PMFBP1: variants seen among roughly 807,000 people sequenced by gnomAD.
PMFBP1 encodes polyamine-modulated factor 1-binding protein 1.
PMFBP1 carries 131 observed loss-of-function variants against 137.8 expected under a neutral mutation model. The observed-to-expected ratio is 0.95, with a 90% CI of 0.82 to 1.10. The LOEUF (loss-of-function observed/expected upper bound fraction) is 1.10. Among genes scored for constraint, PMFBP1 ranks in the 50% least tolerant of loss-of-function variants. The pLI is 0.00. For synonymous variants in PMFBP1, 490 were observed against 450.4 expected (o/e 1.09, Z -1.11); for missense variants, 1,199 against 1,175.4 (o/e 1.02, Z -0.29).
At chr16:72,193,696 G>A in the PMFBP1 span, among the ~76,000 whole-genome samples, 2 of 149,936 alleles carry the variant, frequency 1.3e-5, no homozygotes, top group African/African-American at 4.9e-5. Context: ...TGCTCTCTGG[G>A]GATGCAAACT....
chr16:72,124,523 T>C (rs1448351211), intron 17 of PMFBP1, among the ~76,000 whole-genome samples: 1 of 152,236 alleles, frequency 6.6e-6, no homozygotes, highest in African/African-American at 2.4e-5. Context: ...GTAGCTGGTG[T>C]ACCTGACAGT....
In PMFBP1 at chr16:72,135,624, C is replaced by A. The variant is rs142527864; in HGVS notation, c.1203+824G>T. Among the ~76,000 whole-genome samples, 187 of 149,596 alleles carry A rather than the reference C, an allele frequency of 1.3e-3. 1 individual carries two copies. The highest frequency in any genetic ancestry group is 2.1e-3 in the Non-Finnish European group (142 of 66,780). On this transcript the variant is annotated intron_variant, in intron 9 of 20. Coordinates refer to ENST00000237353, the MANE Select transcript of PMFBP1 (RefSeq NM_031293.3). ...CACCTTTCTGTTCTTGGTTCCATTT[C>A]TAGGCTTTTCCAAGAATTTGATTTA...
the PMFBP1 span, among the ~76,000 whole-genome samples, chr16:72,232,187 C>T: frequency 6.6e-6 from 1 of 152,148 alleles, no homozygotes; most frequent in Non-Finnish European, 1.5e-5. Flanking sequence ...AATGTCCCTC[C>T]ATGCCTTTCA....
chr16:72,190,089 C>A, the PMFBP1 span, among the ~76,000 whole-genome samples: 6 of 152,272 alleles, frequency 3.9e-5, no homozygotes, highest in Non-Finnish European at 7.3e-5. Context: ...TCGGGGAAGT[C>A]ACAAATCTTG....
intron 5 of PMFBP1, among the ~76,000 whole-genome samples, chr16:72,148,076 G>A (rs1432951972): frequency 6.6e-6 from 1 of 152,118 alleles, no homozygotes; most frequent in Non-Finnish European, 1.5e-5. Context: ...GCACACATAT[G>A]TTTACTGCCA....
At chr16:72,123,108 C>G in intron 18 of PMFBP1, 120 bp from the exon 19 acceptor site, 3 of 829,762 alleles carry the variant, frequency 3.6e-6, no homozygotes, top group Non-Finnish European at 5.8e-6. Flanking sequence ...CCACGTCCCC[C>G]ACGCATCACC....
chr16:72,239,901 G>GAAAAAAAAAAAAAAAAAAA, the PMFBP1 span, among the ~76,000 whole-genome samples: 5 of 87,776 alleles, frequency 5.7e-5, no homozygotes, highest in Admixed American at 1.2e-4. Flanking sequence ...AAAAAAAAAA[G>GAAAAAAAAAAAAAAAAAAA]AAAAAAAAAA....
chr16:72,155,220 CT>C (rs1305493659), intron 3 of PMFBP1, among the ~76,000 whole-genome samples: 1 of 152,098 alleles, frequency 6.6e-6, no homozygotes, highest in Non-Finnish European at 1.5e-5. Context: ...TCTATATTTC[CT>C]ATATTTTCCA....
intron 3 of PMFBP1, among the ~76,000 whole-genome samples, chr16:72,158,038 T>C (rs993378679): frequency 2.0e-5 from 3 of 152,180 alleles, no homozygotes; most frequent in Non-Finnish European, 4.4e-5. Flanking sequence ...AAAAAATCTC[T>C]ACAGAGAGTG....
chr16:72,244,833 T>G, the PMFBP1 span, among the ~76,000 whole-genome samples: 1 of 152,174 alleles, frequency 6.6e-6, no homozygotes, highest in Non-Finnish European at 1.5e-5. Flanking sequence ...CCCTTCTTGA[T>G]TCACAGAAGA....
At chr16:72,172,308 A>G (rs2043229849), upstream of PMFBP1, 1 of 151,842 alleles carries the variant, frequency 6.6e-6, no homozygotes, top group Admixed American at 6.6e-5. Flanking sequence ...ATGGTGTAGT[A>G]ACAAACAACC....
At chr16:72,180,897 A>T (rs1364645988), upstream of PMFBP1, among the ~76,000 whole-genome samples, 1 of 152,160 alleles carries the variant, frequency 6.6e-6, no homozygotes, top group Non-Finnish European at 1.5e-5. Flanking sequence ...GAGTGGAAGA[A>T]ATGAAAAGAT....
the PMFBP1 span, among the ~76,000 whole-genome samples, chr16:72,211,709 C>T: frequency 6.6e-6 from 1 of 152,134 alleles, no homozygotes; most frequent in Non-Finnish European, 1.5e-5. Context: ...AATAGAATTT[C>T]TAGGGCCCGG....
Position 72,124,800 on chromosome 16 carries a change from G to A in PMFBP1, c.2556C>T (p.Ala852=), listed in dbSNP as rs930356509. The A allele has an allele frequency of 6.2e-7, 1 of 1,614,004 alleles. No individual in the cohort carries two copies. Among genetic ancestry groups the A allele is most frequent in the Non-Finnish European group, 8.5e-7 (1 of 1,180,004 alleles). ...CGTCCTCAAGGAGGTTCTCTTTTAA[G>A]GCGGCCATCTCCTCCTGGAACTCCC... ...QLREFQEEMA[A]LKENLLEDDK... Residue 852 remains alanine, a synonymous_variant, in exon 17 of 21, where the codon GCC becomes GCT. Coordinates refer to ENST00000237353, the MANE Select transcript of PMFBP1 (RefSeq NM_031293.3).
At chr16:72,185,747 T>G in the PMFBP1 span, among the ~76,000 whole-genome samples, 7 of 152,198 alleles carry the variant, frequency 4.6e-5, no homozygotes. Context: ...ACATAGTGGA[T>G]GCTCAGTAAT....
intron 2 of PMFBP1, among the ~76,000 whole-genome samples, chr16:72,165,442 A>G (rs2043131216): frequency 6.9e-6 from 1 of 145,038 alleles, no homozygotes; most frequent in Non-Finnish European, 1.5e-5. Context: ...TGAGACGGAG[A>G]CTTGCTCTAT....
intron 9 of PMFBP1, 100 bp from the exon 10 acceptor site, chr16:72,133,091 C>A: frequency 2.8e-6 from 4 of 1,445,092 alleles, no homozygotes; most frequent in Non-Finnish European, 3.8e-6. Context: ...ACTGGCATCC[C>A]CTGCCTGGAC....
At position 72,136,609 on chromosome 16, in the gene PMFBP1, C is replaced by T. The variant is rs766637988; in HGVS notation, c.1046-4G>A. On this transcript the variant is annotated splice_polypyrimidine_tract_variant and splice_region_variant and intron_variant, in intron 8 of 20. Transcript: ENST00000237353. ...TCCAGCTCCAGCTTCATCATGTCTACCATGGGGCGGGACAGAGTCTATGCT... is the reference window on the plus strand; with the variant it reads ...TCCAGCTCCAGCTTCATCATGTCTATCATGGGGCGGGACAGAGTCTATGCT... 11 of 1,613,962 alleles carry T rather than the reference C, an allele frequency of 6.8e-6. No individual in the cohort carries two copies. In the South Asian group the frequency reaches 1.1e-4, roughly 16 times the overall value.
chr16:72,195,074 G>A, the PMFBP1 span, among the ~76,000 whole-genome samples: 1 of 152,150 alleles, frequency 6.6e-6, no homozygotes, highest in South Asian at 2.1e-4. Flanking sequence ...TGCTGTTCGG[G>A]TCTCCCTTGA....
Sources: allele counts gnomAD v4.1 joint callset (sites outside exome capture counted in the v4.1 genomes callset), GRCh38; gene constraint gnomAD v4.1.1; transcripts MANE v1.5; gene names NCBI Gene and HGNC (gene_info 2026-07-23, HGNC 2026-07-21).